PSG2: variants seen among roughly 807,000 people sequenced by gnomAD.
PSG2 encodes pregnancy specific beta-1-glycoprotein 2.
PSG2 carries 49 observed loss-of-function variants against 36.2 expected under a neutral mutation model. That is an observed-to-expected ratio of 1.35 (90% CI 1.08 to 1.72). PSG2 has a LOEUF of 1.72. PSG2 is among the 40% of genes most tolerant of loss of function. The pLI is 0.00. For missense variants in PSG2, 605 were observed against 407.2 expected (o/e 1.49, Z -4.18); for synonymous variants, 261 against 155.6 (o/e 1.68, Z -5.04).
intron 1 of PSG2, among the ~76,000 whole-genome samples, chr19:43,081,509 T>G (rs1313296684): frequency 6.6e-6 from 1 of 151,350 alleles, no homozygotes; most frequent in African/African-American, 2.4e-5. Flanking sequence ...CCTTGGCATT[T>G]TTCTGTTTGG....
intron 1 of PSG2, 41 bp downstream of exon 1, chr19:43,082,465 T>C (rs1806848): frequency 6.3e-7 from 1 of 1,597,938 alleles, no homozygotes; most frequent in South Asian, 1.1e-5. Context: ...CAGTCACTCT[T>C]CTTCCTCCTC....
chr19:43,082,241 C>T (rs533115824), intron 1 of PSG2: 44 of 401,376 alleles, frequency 1.1e-4, no homozygotes, highest in East Asian at 3.5e-4. Flanking sequence ...CCTGGGTTCA[C>T]GTGATTCTCC....
intron 4 of PSG2, among the ~76,000 whole-genome samples, chr19:43,070,980 A>G (rs372344632): frequency 7.3e-5 from 11 of 151,704 alleles, no homozygotes; most frequent in East Asian, 5.8e-4. Context: ...GCTGTGTCCC[A>G]CGTACTGTGC....
rs753946050 is a variant in PSG2 at position 43,075,622 on chromosome 19, G to A, written c.441C>T (p.Pro147=). Reference sequence around the variant, plus strand: ...AGTTGCTGCTGGAGATGGAGGGCTTGGGAGTCTCCACTGTGCAGAAAACAG... The same window carrying A: ...AGTTGCTGCTGGAGATGGAGGGCTTAGGAGTCTCCACTGTGCAGAAAACAG... ...YFTFTLYLET[P]KPSISSSNLN... Residue 147 remains proline (P), a synonymous_variant, in exon 3 of 6, where the codon CCC becomes CCT. Coordinates refer to ENST00000406487, the MANE Select transcript of PSG2 (RefSeq NM_031246.4). 5 of 1,612,616 alleles carry A rather than the reference G, an allele frequency of 3.1e-6. No individual in the cohort carries two copies. Among genetic ancestry groups the A allele is most frequent in the Non-Finnish European group, 4.2e-6 (5 of 1,179,456 alleles).
At chr19:43,078,888 T>A (rs1015406143) in intron 2 of PSG2, among the ~76,000 whole-genome samples, 2 of 151,592 alleles carry the variant, frequency 1.3e-5, no homozygotes, top group African/African-American at 4.9e-5. Context: ...TGTCCACAGG[T>A]CAGCCTCACA....
chr19:43,066,517 C>T lies in PSG2; in HGVS notation c.*40G>A, dbSNP rs751449463. ...AGGATAAGAGAAAAGGCCATCATAC[C>T]TGCCAGTCTTCCTGAAATACAGAAA... On this transcript the variant is annotated splice_region_variant and 3_prime_UTR_variant, in exon 5 of 6. Coordinates refer to ENST00000406487, the MANE Select transcript of PSG2 (RefSeq NM_031246.4). The T allele has an allele frequency of 5.8e-6, 9 of 1,548,648 alleles. No homozygotes were observed. Among genetic ancestry groups the T allele is most frequent in the South Asian group, 1.1e-5 (1 of 89,776 alleles).
chr19:43,070,887 G>A (rs1967805315), intron 4 of PSG2, among the ~76,000 whole-genome samples: 1 of 151,494 alleles, frequency 6.6e-6, no homozygotes, highest in African/African-American at 2.4e-5. Flanking sequence ...CACACTTTTT[G>A]GCACTGCCCT....
At chr19:43,067,567 A>G (rs1397028697) in intron 4 of PSG2, among the ~76,000 whole-genome samples, 1 of 151,462 alleles carries the variant, frequency 6.6e-6, no homozygotes, top group Non-Finnish European at 1.5e-5. Context: ...TGTCAGGTAG[A>G]CATTATTTCC....
rs1277516979 is a variant in PSG2, at chr19:43,072,876, G to A, written c.710-922C>T. 4.0e-4 allele frequency among the ~76,000 whole-genome samples: 61 copies of A among 151,664 alleles called. 1 individual carries two copies. Among genetic ancestry groups the A allele is most frequent in the Non-Finnish European group, 2.1e-4 (14 of 67,964 alleles). ...CAATTGAGCAGCAGTGTTGGGTCAT[G>A]GACAGACATGTCAGTGGGAGTCACA... On this transcript the variant is annotated intron_variant, in intron 3 of 5. Coordinates refer to ENST00000406487, the MANE Select transcript of PSG2 (RefSeq NM_031246.4).
chr19:43,071,559 G>A (rs570122277), intron 4 of PSG2, 141 bp downstream of exon 4: 9 of 1,596,624 alleles, frequency 5.6e-6, no homozygotes, highest in East Asian at 4.5e-5. Context: ...GACAAATTGG[G>A]AGGGTTCAGG....
chr19:43,071,221 G>A lies in PSG2; in HGVS notation c.964+479C>T, dbSNP rs527829215. The stretch of plus-strand genomic sequence containing the variant: ...CCAGTCACCAGAGGAGCCCAGAGCA[G>A]AGCAGGAAGCAGAGTCTGAGCTGCT... On this transcript the variant is annotated intron_variant, in intron 4 of 5. Transcript: ENST00000406487. Among the ~76,000 whole-genome samples, 201 of 151,826 alleles carry A rather than the reference G, an allele frequency of 1.3e-3. 5 individuals carry two copies. The highest frequency in any genetic ancestry group is 3.3e-3 in the South Asian group (16 of 4,808).
Position 43,064,488 on chromosome 19 carries a change from A to G in PSG2, c.*154T>C, listed in dbSNP as rs1967712821. On this transcript the variant is annotated 3_prime_UTR_variant, in exon 6 of 6. Transcript: ENST00000406487. ...TTTCTTCTTTGTCTTGAATTTCATG[A>G]AGGTATCAGCCTGTTCATTAAAATT... 7 of 489,182 alleles carry G rather than the reference A, an allele frequency of 1.4e-5. 1 individual carries two copies. Among genetic ancestry groups the G allele is most frequent in the South Asian group, 6.3e-5 (2 of 31,654 alleles). The allele number at this position is 489,182 out of a possible 1,614,324, so 30.3% of individuals were successfully genotyped here.
rs756602699 is a variant in PSG2, at chr19:43,064,512, T to C, written c.*130A>G. ...GAAGGTATCAGCCTGTTCATTAAAA[T>C]TTTGAAAGTTCTTAGTCCAGTGGTA... On this transcript the variant is annotated 3_prime_UTR_variant, in exon 6 of 6. Coordinates refer to ENST00000406487, the MANE Select transcript of PSG2 (RefSeq NM_031246.4). 2 of 593,578 alleles carry C rather than the reference T, an allele frequency of 3.4e-6. No individual in the cohort carries two copies. The highest frequency in any genetic ancestry group is 1.9e-5 in the African/African-American group (1 of 51,580). The allele number at this position is 593,578 out of a possible 1,614,324, so 36.8% of individuals were successfully genotyped here.
At position 43,072,594 on chromosome 19, in the gene PSG2, A is replaced by C. The variant is rs1378702450; in HGVS notation, c.710-640T>G. 11 of 1,611,438 alleles carry C rather than the reference A, an allele frequency of 6.8e-6. No individual in the cohort carries two copies. The East Asian group carries it at 2.5e-4, about 36-fold the overall frequency. On this transcript the variant is annotated intron_variant, in intron 3 of 5. Coordinates refer to ENST00000406487, the MANE Select transcript of PSG2 (RefSeq NM_031246.4). ...ACATCCTTATTCTCCCTGGGGTTTAAGTTGTTGATGGTGATTTAGGGCTTG... is the reference window on the plus strand; with the variant it reads ...ACATCCTTATTCTCCCTGGGGTTTACGTTGTTGATGGTGATTTAGGGCTTG...
At chr19:43,071,079 C>G (rs1967808515) in intron 4 of PSG2, among the ~76,000 whole-genome samples, 3 of 151,526 alleles carry the variant, frequency 2.0e-5, no homozygotes, top group African/African-American at 4.9e-5. Flanking sequence ...TTCCCTGCAG[C>G]CTGGCCCGGG....
chr19:43,081,308 G>C (rs908809412), intron 1 of PSG2, 62 bp from the exon 2 acceptor site: 2 of 1,562,476 alleles, frequency 1.3e-6, no homozygotes, highest in African/African-American at 1.4e-5. Context: ...AAAAGATGGG[G>C]CCCTGGGTCC....
chr19:43,081,350 GACACACAC>G (rs56971156), intron 1 of PSG2, 104 bp from the exon 2 acceptor site: 42,456 of 851,522 alleles, frequency 0.05, 536 homozygotes, highest in East Asian at 0.23. Context: ...CAGCCTTGAA[GACACACAC>G]ACACACACAC....
In PSG2 at chr19:43,081,350, G is replaced by GACACACACAC. The variant is rs56971156; in HGVS notation, c.65-114_65-105dup. 3.5e-4 allele frequency: 301 copies of GACACACACAC among 857,092 alleles called. 1 individual carries two copies. The highest frequency in any genetic ancestry group is 1.5e-3 in the Middle Eastern group (4 of 2,712). The allele number at this position is 857,092 out of a possible 1,614,324, so 53.1% of individuals were successfully genotyped here. A position where few individuals can be genotyped will look rare whatever the true frequency, so the allele number is the denominator to read the frequency against. On this transcript the variant is annotated intron_variant, in intron 1 of 5. Coordinates refer to ENST00000406487, the MANE Select transcript of PSG2 (RefSeq NM_031246.4). Reference sequence around the variant, plus strand: ...GGTCTCTTCAATCCTCAGCCTTGAAGACACACACACACACACACACACACA... The same window carrying GACACACACAC: ...GGTCTCTTCAATCCTCAGCCTTGAAGACACACACACACACACACACACACACACACACACA...
At chr19:43,073,321 C>G (rs1275941831) in intron 3 of PSG2, among the ~76,000 whole-genome samples, 1 of 151,760 alleles carries the variant, frequency 6.6e-6, no homozygotes, top group South Asian at 2.1e-4. Context: ...AGGGGATAGG[C>G]AAGAGCTGGT....
Sources: gnomAD v4.1 joint callset for allele counts (sites outside exome capture counted in the v4.1 genomes callset) on GRCh38, gnomAD v4.1.1 for gene constraint, MANE v1.5 for transcripts, NCBI Gene and HGNC (gene_info 2026-07-23, HGNC 2026-07-21) for gene names.